Variants in SLC11A1 observed in about 807,000 individuals in gnomAD.
The protein encoded by SLC11A1 is natural resistance-associated macrophage protein 1.
Under a neutral mutation model 63.2 loss-of-function variants are expected in SLC11A1, and 59 were observed. That is an observed-to-expected ratio of 0.93 (90% confidence interval 0.76 to 1.16). The LOEUF (loss-of-function observed/expected upper bound fraction) is 1.16. Ranked by LOEUF, SLC11A1 falls within the 50% of genes most tolerant of loss-of-function variation. The pLI is 0.00. For synonymous variants in SLC11A1, 305 were observed against 307.8 expected (o/e 0.99, Z 0.09); for missense variants, 688 against 730.7 (o/e 0.94, Z 0.67).
At chr2:218,388,095 C>A in intron 8 of SLC11A1, 140 bp downstream of exon 8, 1 of 1,076,440 alleles carries the variant, frequency 9.3e-7, no homozygotes, top group Non-Finnish European at 1.3e-6. Context: ...ACAGGCGGGG[C>A]GCCATGGCTC....
chr2:218,391,608 CTT>C, intron 11 of SLC11A1, 113 bp downstream of exon 11: 2 of 1,261,326 alleles, frequency 1.6e-6, no homozygotes, highest in Non-Finnish European at 2.1e-6. Context: ...TCTTTTCTTC[CTT>C]TTTTTTTGTT....
rs887345846 is a variant in SLC11A1 at position 218,395,568 on chromosome 2, G to A, written c.*533G>A. The A allele has an allele frequency of 6.5e-6, 1 of 153,002 alleles. No individual in the cohort carries two copies. The highest frequency in any genetic ancestry group is 1.5e-5 in the Non-Finnish European group (1 of 68,494). The allele number at this position is 153,002 out of a possible 1,614,324, so 9.5% of individuals were successfully genotyped here. A position where few individuals can be genotyped will look rare whatever the true frequency, so the allele number is the denominator to read the frequency against. Reference sequence around the variant, plus strand: ...TGCAACCTCCACCTTCTGGGTTCAAGCGATTCTCTTTATTCAGCCCCGGGA... The same window carrying A: ...TGCAACCTCCACCTTCTGGGTTCAAACGATTCTCTTTATTCAGCCCCGGGA... On this transcript the variant is annotated 3_prime_UTR_variant, in exon 15 of 15. Transcript: ENST00000233202.
chr2:218,386,411 C>T (rs1472103850), intron 4 of SLC11A1, among the ~76,000 whole-genome samples: 1 of 151,074 alleles, frequency 6.6e-6, no homozygotes, highest in Non-Finnish European at 1.5e-5. Flanking sequence ...GAGATCATGC[C>T]ATTGCACTCC....
Position 218,387,630 on chromosome 2 carries a change from G to A in SLC11A1, c.637G>A (p.Glu213Lys). 1.2e-6 allele frequency: 2 copies of A among 1,614,116 alleles called. No homozygotes were observed. The highest frequency in any genetic ancestry group is 1.7e-6 in the Non-Finnish European group (2 of 1,179,990). Residue 213 changes from glutamate (E) to lysine (K), a missense_variant and splice_region_variant, in exon 7 of 15, where the codon GAG becomes AAG. Transcript: ENST00000233202. ...ITIMALTFGY[E>K]YVVARPEQGA... Reference sequence around the variant, plus strand: ...CATTATGGCCTTGACCTTTGGCTATGAGGTAGGAAGCCAGTGCTGCAACCC... The same window carrying A: ...CATTATGGCCTTGACCTTTGGCTATAAGGTAGGAAGCCAGTGCTGCAACCC...
At chr2:218,383,439 G>A in intron 2 of SLC11A1, 1 of 211,270 alleles carries the variant, frequency 4.7e-6, no homozygotes, top group South Asian at 1.2e-4. Context: ...GAGGCTGCAG[G>A]CTGGCATCTA....
chr2:218,391,655 G>A lies in SLC11A1; in HGVS notation c.1164+160G>A, dbSNP rs1009512366. ...GTTGTTGTTGTTGAGACGGAGTCTC[G>A]CTCTTGTCGCCCAGGCTGGAGTGCA... On this transcript the variant is annotated intron_variant, in intron 11 of 14. Transcript: ENST00000233202. 8.2e-5 allele frequency: 79 copies of A among 966,242 alleles called. No individual in the cohort carries two copies. In the Admixed American group the frequency reaches 1.8e-3, roughly 22 times the overall value. The allele number at this position is 966,242 out of a possible 1,614,324, so 59.9% of individuals were successfully genotyped here. A position where few individuals can be genotyped will look rare whatever the true frequency, so the allele number is the denominator to read the frequency against.
rs1574785268 is a variant in SLC11A1, at chr2:218,396,283, A to G, written c.*1248A>G. Reference sequence around the variant, plus strand: ...GAGCGGCTGGGCACCCATTCGCCCCATTCAGGGGCTGCACTTTATAGACGT... The same window carrying G: ...GAGCGGCTGGGCACCCATTCGCCCCGTTCAGGGGCTGCACTTTATAGACGT... On this transcript the variant is annotated 3_prime_UTR_variant, in exon 15 of 15. Coordinates refer to ENST00000233202, the MANE Select transcript of SLC11A1 (RefSeq NM_000578.4). 6.6e-6 allele frequency: 1 copy of G among 152,462 alleles called. No homozygotes were observed. The highest frequency in any genetic ancestry group is 1.9e-4 in the East Asian group (1 of 5,224). 9.4% of individuals were successfully genotyped at this position (152,462 alleles called of 1,614,324 possible).
rs57437052 is a variant in SLC11A1, at chr2:218,394,048, C to T, written c.1315-72C>T. On this transcript the variant is annotated intron_variant, in intron 12 of 14. Coordinates refer to ENST00000233202, the MANE Select transcript of SLC11A1 (RefSeq NM_000578.4). ...CCCACACAGAGGGTGTCAAGCCACG[C>T]CCATCTTGCCCCCACCCTTGCCATA... 832 of 1,516,152 alleles carry T rather than the reference C, an allele frequency of 5.5e-4. 8 individuals are homozygous for T. In the African/African-American group the frequency reaches 0.01, roughly 19 times the overall value. The allele number at this position is 1,516,152 out of a possible 1,614,324, so 93.9% of individuals were successfully genotyped here.
rs1351711175 is a variant in SLC11A1, at chr2:218,388,016, C to T, written c.795+61C>T. ...TCAGTCGGAGCCATGCTGGCTCCGCCTCCAAGCCTGGAGCCCCTCCCCTCT... is the reference window on the plus strand; with the variant it reads ...TCAGTCGGAGCCATGCTGGCTCCGCTTCCAAGCCTGGAGCCCCTCCCCTCT... On this transcript the variant is annotated intron_variant, in intron 8 of 14. Transcript: ENST00000233202. 10 of 1,481,464 alleles carry T rather than the reference C, an allele frequency of 6.8e-6. No homozygotes were observed. The South Asian group carries it at 9.7e-5, about 14-fold the overall frequency. 91.8% of individuals were successfully genotyped at this position (1,481,464 alleles called of 1,614,324 possible).
Position 218,384,501 on chromosome 2 carries a change from T to A in SLC11A1, c.273+136T>A. The A allele has an allele frequency of 9.5e-7, 1 of 1,053,142 alleles. No individual in the cohort carries two copies. Among genetic ancestry groups the A allele is most frequent in the Non-Finnish European group, 1.3e-6 (1 of 756,586 alleles). The allele number at this position is 1,053,142 out of a possible 1,614,324, so 65.2% of individuals were successfully genotyped here. ...TAAGTTCAAATGGGCCCGAAAAGGG[T>A]CCCCAGGGCAGCCCTGCCAGAAGGT... On this transcript the variant is annotated intron_variant, in intron 3 of 14. Coordinates refer to ENST00000233202, the MANE Select transcript of SLC11A1 (RefSeq NM_000578.4). The surrounding 1 kb of genome is among the most constrained non-coding windows in gnomAD (Gnocchi z 4.0).
intron 2 of SLC11A1, chr2:218,383,319 C>T (rs1032816868): frequency 3.6e-6 from 2 of 556,262 alleles, no homozygotes; most frequent in African/African-American, 3.8e-5. Context: ...AAATGACTTT[C>T]TCAATGAATC....
In SLC11A1 at chr2:218,393,964, C is replaced by T. The variant is rs906916274; in HGVS notation, c.1315-156C>T. 4.5e-4 allele frequency among the ~76,000 whole-genome samples: 68 copies of T among 152,248 alleles called. 1 individual carries two copies. Among genetic ancestry groups the T allele is most frequent in the Admixed American group, 5.2e-4 (8 of 15,278 alleles). On this transcript the variant is annotated intron_variant, in intron 12 of 14. Coordinates refer to ENST00000233202, the MANE Select transcript of SLC11A1 (RefSeq NM_000578.4). ...CTTTCTCCTGCTTTGGAGCCCACAA[C>T]CTGATAAGGCAGGAGACGGGGAAGT...
At chr2:218,383,196 G>A in intron 2 of SLC11A1, 94 bp downstream of exon 2, 7 of 1,421,986 alleles carry the variant, frequency 4.9e-6, no homozygotes, top group Non-Finnish European at 9.6e-7. Flanking sequence ...ATGATCATGG[G>A]TGGCAAGTCC....
rs1208902478 is a variant in SLC11A1 at position 218,395,978 on chromosome 2, A to G, written c.*943A>G. ...GGCACCAGGTCATAAGGAACCCAAG[A>G]GTCTGTGCCTCTGAGGCCCAAATTA... On this transcript the variant is annotated 3_prime_UTR_variant, in exon 15 of 15. Transcript: ENST00000233202. The G allele has an allele frequency of 6.6e-6, 1 of 152,378 alleles. No individual in the cohort carries two copies. Among genetic ancestry groups the G allele is most frequent in the African/African-American group, 2.4e-5 (1 of 41,458 alleles). 9.4% of individuals were successfully genotyped at this position (152,378 alleles called of 1,614,324 possible).
Position 218,384,518 on chromosome 2 carries a change from C to A in SLC11A1, c.273+153C>A. ...GAAAAGGGTCCCCAGGGCAGCCCTG[C>A]CAGAAGGTGGGGCATTTGTGTGGGG... is the stretch of plus-strand genomic sequence containing the variant. On this transcript the variant is annotated intron_variant, in intron 3 of 14. Transcript: ENST00000233202. This position sits in a 1 kb window ranked among gnomAD's most constrained non-coding sequence, Gnocchi z 4.0. 1.3e-6 allele frequency: 1 copy of A among 760,360 alleles called. No individual in the cohort carries two copies. Among genetic ancestry groups the A allele is most frequent in the Non-Finnish European group, 2.0e-6 (1 of 510,650 alleles). The allele number at this position is 760,360 out of a possible 1,614,324, so 47.1% of individuals were successfully genotyped here. A position where few individuals can be genotyped will look rare whatever the true frequency, so the allele number is the denominator to read the frequency against.
Position 218,393,148 on chromosome 2 carries a change from C to T in SLC11A1, c.1314+18C>T. ...GCCTGCTGGTGAGATGCGCCAACCC[C>T]ACCAGCCCTGCCCACTGCTGAGCGA... On this transcript the variant is annotated intron_variant, in intron 12 of 14. Coordinates refer to ENST00000233202, the MANE Select transcript of SLC11A1 (RefSeq NM_000578.4). 1 of 1,543,920 alleles carries T rather than the reference C, an allele frequency of 6.5e-7. No individual in the cohort carries two copies. Among genetic ancestry groups the T allele is most frequent in the Non-Finnish European group, 8.7e-7 (1 of 1,149,658 alleles).
chr2:218,394,155 C>A lies in SLC11A1; in HGVS notation c.1350C>A (p.Thr450=). The change falls in exon 13 of 15, where the codon ACC becomes ACA. Residue 450 remains threonine, a synonymous_variant. Coordinates refer to ENST00000233202, the MANE Select transcript of SLC11A1 (RefSeq NM_000578.4). ...CCGTGCTGCCCATCCTCACGTTCAC[C>A]AGCATGCCCACCCTCATGCAGGAGT... The part of the protein sequence containing the change: ...PFAVLPILTF[T]SMPTLMQEFA... 1 of 1,614,192 alleles carries A rather than the reference C, an allele frequency of 6.2e-7. No individual in the cohort carries two copies. The highest frequency in any genetic ancestry group is 8.5e-7 in the Non-Finnish European group (1 of 1,180,034).
At chr2:218,383,297 C>T (rs1043053998) in intron 2 of SLC11A1, 195 bp downstream of exon 2, 2 of 593,298 alleles carry the variant, frequency 3.4e-6, no homozygotes, top group Non-Finnish European at 5.9e-6. Flanking sequence ...CAGTATTTGT[C>T]TAAAAGCGAT....
chr2:218,387,763 G>A (rs764742351), intron 7 of SLC11A1, 37 bp from the exon 8 acceptor site: 13 of 1,611,922 alleles, frequency 8.1e-6, no homozygotes, highest in Non-Finnish European at 1.0e-5. Flanking sequence ...GTGGTTGCGA[G>A]GGGCGGGGCT....
Sources: allele counts gnomAD v4.1 joint callset (sites outside exome capture counted in the v4.1 genomes callset), GRCh38; gene constraint gnomAD v4.1.1; non-coding constraint Gnocchi (gnomAD v3.1); transcripts MANE v1.5; gene names NCBI Gene and HGNC (gene_info 2026-07-23, HGNC 2026-07-21).